CNOT4: variants seen among roughly 807,000 people sequenced by gnomAD.
CNOT4 encodes CCR4-associated factor 4.
A neutral mutation model predicts 73.8 loss-of-function variants in CNOT4; 8 were observed. That is an observed-to-expected ratio of 0.11 (90% CI 0.06 to 0.20). The LOEUF (loss-of-function observed/expected upper bound fraction) is 0.20, where lower values mean the gene tolerates loss of function less well. Among genes scored for constraint, CNOT4 ranks in the 10% least tolerant of loss-of-function variants. The pLI is 1.00. For missense variants in CNOT4, 564 were observed against 883.4 expected (o/e 0.64, Z 4.58); for synonymous variants, 293 against 321.1 (o/e 0.91, Z 0.94).
At chr7:135,389,952 T>C (rs1400742839) in intron 10 of CNOT4, among the ~76,000 whole-genome samples, 2 of 152,134 alleles carry the variant, frequency 1.3e-5, no homozygotes, top group Admixed American at 6.6e-5. Flanking sequence ...CCCAAGAACA[T>C]AGCAATGAGG....
At chr7:135,477,080 G>C (rs925490215) in intron 1 of CNOT4, among the ~76,000 whole-genome samples, 1 of 152,072 alleles carries the variant, frequency 6.6e-6, no homozygotes, top group African/African-American at 2.4e-5. Flanking sequence ...TGTGGCTCAC[G>C]CCTGCTTTCC....
At chr7:135,393,127 T>C (rs1796487857) in intron 10 of CNOT4, among the ~76,000 whole-genome samples, 1 of 152,172 alleles carries the variant, frequency 6.6e-6, no homozygotes. Flanking sequence ...ACGAGAACAC[T>C]ATTAACAAGA....
In CNOT4 at chr7:135,388,666, C is replaced by G. The variant is rs1796245315; in HGVS notation, c.1627+5252G>C. ...TATGAGGTAACACGCTAGCTGTAGG[C>G]ATGAGGAACGTTTATATTGGCTCTT... is the stretch of plus-strand genomic sequence containing the variant. On this transcript the variant is annotated intron_variant, in intron 10 of 11. Transcript: ENST00000541284. 3.7e-6 allele frequency: 5 copies of G among 1,351,236 alleles called. No homozygotes were observed. In the African/African-American group the frequency reaches 5.8e-5, roughly 16 times the overall value. The allele number at this position is 1,351,236 out of a possible 1,614,324, so 83.7% of individuals were successfully genotyped here. A position where few individuals can be genotyped will look rare whatever the true frequency, so the allele number is the denominator to read the frequency against.
chr7:135,501,376 A>G (rs776967380), intron 1 of CNOT4, among the ~76,000 whole-genome samples: 4 of 152,148 alleles, frequency 2.6e-5, no homozygotes, highest in Non-Finnish European at 5.9e-5. Flanking sequence ...GTTTACTATC[A>G]AAGACAAATA....
In CNOT4 at chr7:135,394,092, C is replaced by A. The variant is rs774701867; in HGVS notation, c.1453G>T (p.Val485Phe). 6.2e-7 allele frequency: 1 copy of A among 1,614,134 alleles called. No homozygotes were observed. Among genetic ancestry groups the A allele is most frequent in the Non-Finnish European group, 8.5e-7 (1 of 1,180,018 alleles). ...RFPQFQQHRA[V>F]YNSFSFPGQA... ...CCTGGAAAACTGAATGAATTATAAA[C>A]CGCTCGGTGCTGCTGAAATTGAGGG... The change falls in exon 10 of 12, where the codon GTT becomes TTT. Residue 485 changes from valine to phenylalanine, a missense_variant. By Grantham distance (50) the Val-to-Phe change is conservative. This residue lies in a region of CNOT4 where 153 missense variants were observed against 158.7 expected (regional missense o/e 0.96). Coordinates refer to ENST00000541284, the MANE Select transcript of CNOT4 (RefSeq NM_001190850.2).
intron 8 of CNOT4, among the ~76,000 whole-genome samples, chr7:135,396,940 T>C (rs557374628): frequency 4.7e-4 from 71 of 152,268 alleles, no homozygotes; most frequent in African/African-American, 1.3e-3. Flanking sequence ...TATTTTACTA[T>C]AATTTTACCA....
Position 135,363,303 on chromosome 7 carries a change from A to G in CNOT4, c.1841-117T>C. 1.1e-6 allele frequency: 1 copy of G among 909,062 alleles called. No individual in the cohort carries two copies. The highest frequency in any genetic ancestry group is 1.6e-5 in the South Asian group (1 of 64,148). 56.3% of individuals were successfully genotyped at this position (909,062 alleles called of 1,614,324 possible). On this transcript the variant is annotated intron_variant, in intron 11 of 11. Transcript: ENST00000541284. This position sits in a 1 kb window ranked among gnomAD's most constrained non-coding sequence, Gnocchi z 4.3. The stretch of plus-strand genomic sequence containing the variant: ...AAAGACAGAAGAGATTACAATTTTA[A>G]ACTCCTTCCAAATAAGACCTTTTAA...
chr7:135,487,380 T>C (rs887469655), intron 1 of CNOT4, among the ~76,000 whole-genome samples: 1 of 151,904 alleles, frequency 6.6e-6, no homozygotes, highest in Non-Finnish European at 1.5e-5. Flanking sequence ...GGTGGTGGTA[T>C]ACACCACCAC....
Position 135,398,177 on chromosome 7 carries a change from A to T in CNOT4, c.871T>A (p.Ser291Thr). 2 of 1,533,906 alleles carry T rather than the reference A, an allele frequency of 1.3e-6. No individual in the cohort carries two copies. The highest frequency in any genetic ancestry group is 9.0e-7 in the Non-Finnish European group (1 of 1,107,930). The change falls in exon 8 of 12, where the codon TCC becomes ACC. Residue 291 changes from serine (S) to threonine (T), a missense_variant. By Grantham distance (58) the Ser-to-Thr change is moderately conservative (BLOSUM62 1). This residue lies in a region of CNOT4 where 135 missense variants were observed against 154.0 expected (regional missense o/e 0.88). Transcript: ENST00000541284. The stretch of plus-strand genomic sequence containing the variant: ...CTGTATTCAAATCTTACCTGCTGGG[A>T]ATTATCACCGTTCCCTATACTGAGA... ...DSLSIGNGDN[S>T]QQISNSDTPS...
chr7:135,432,574 T>C (rs1364692641), intron 2 of CNOT4, among the ~76,000 whole-genome samples: 1 of 152,234 alleles, frequency 6.6e-6, no homozygotes, highest in South Asian at 2.1e-4. Flanking sequence ...CATTTTGGAC[T>C]GGTTGCCCTC....
intron 1 of CNOT4, among the ~76,000 whole-genome samples, chr7:135,495,748 AAGAAAGAAAGAAAG>A (rs1563083611): frequency 4.8e-4 from 62 of 129,346 alleles, no homozygotes; most frequent in African/African-American, 1.3e-3. Flanking sequence ...GAAAGAAAGA[AAGAAAGAAAGAAAG>A]AAATTTAAGA....
intron 10 of CNOT4, among the ~76,000 whole-genome samples, chr7:135,370,562 A>C (rs1795144091): frequency 6.6e-6 from 1 of 152,042 alleles, no homozygotes; most frequent in South Asian, 2.1e-4. Flanking sequence ...CTTTCCATGT[A>C]CTCATACTTC....
At chr7:135,398,368 T>C (rs1796816855) in intron 7 of CNOT4, 142 bp from the exon 8 acceptor site, 3 of 599,186 alleles carry the variant, frequency 5.0e-6, no homozygotes, top group African/African-American at 1.9e-5. Context: ...AAAACATTGA[T>C]TAAATGTTGA....
chr7:135,455,497 T>A (rs1326726529), intron 1 of CNOT4, among the ~76,000 whole-genome samples: 1 of 152,046 alleles, frequency 6.6e-6, no homozygotes, highest in Non-Finnish European at 1.5e-5. Context: ...GACAAAGGAA[T>A]TTATTTTGCA....
intron 1 of CNOT4, among the ~76,000 whole-genome samples, chr7:135,508,479 A>G (rs1209434185): frequency 6.6e-6 from 1 of 152,230 alleles, no homozygotes; most frequent in African/African-American, 2.4e-5. Context: ...GAAAAATACG[A>G]GGAACTTAGG....
At chr7:135,399,975 T>TAAAC (rs1435249179) in intron 7 of CNOT4, among the ~76,000 whole-genome samples, 1 of 152,048 alleles carries the variant, frequency 6.6e-6, no homozygotes, top group South Asian at 2.1e-4. Flanking sequence ...ATGAATTGTT[T>TAAAC]AAACAAACAA....
chr7:135,503,456 CAA>C (rs58546257), intron 1 of CNOT4, among the ~76,000 whole-genome samples: 1 of 133,210 alleles, frequency 7.5e-6, no homozygotes, highest in Non-Finnish European at 1.6e-5. Flanking sequence ...GAGACCATCT[CAA>C]AAAAAAAAAG....
At chr7:135,381,143 A>G (rs562121465) in intron 10 of CNOT4, among the ~76,000 whole-genome samples, 20 of 152,360 alleles carry the variant, frequency 1.3e-4, no homozygotes, top group African/African-American at 4.8e-4. Flanking sequence ...TCCTGAAGAT[A>G]TGAATTGGAA....
intron 10 of CNOT4, among the ~76,000 whole-genome samples, chr7:135,368,204 A>G (rs1319702636): frequency 6.6e-6 from 1 of 152,152 alleles, no homozygotes; most frequent in Non-Finnish European, 1.5e-5. Context: ...ATCTCTTATT[A>G]AAGAAGAAAT....
Sources: gnomAD v4.1 joint callset for allele counts (sites outside exome capture counted in the v4.1 genomes callset) on GRCh38, gnomAD v4.1.1 for gene constraint, gnomAD v4.1.1 regional missense constraint, Gnocchi (gnomAD v3.1) non-coding constraint, MANE v1.5 for transcripts, NCBI Gene and HGNC (gene_info 2026-07-23, HGNC 2026-07-21) for gene names.